Variants in SPAG16 observed in about 807,000 individuals in gnomAD.
The protein encoded by SPAG16 is sperm associated antigen 16, also known as sperm-associated antigen 16 protein.
A neutral mutation model predicts 80.4 loss-of-function variants in SPAG16; 86 were observed. That is an observed-to-expected ratio of 1.07 (90% CI 0.90 to 1.28). SPAG16 has a LOEUF of 1.28. SPAG16 is among the 50% of genes most tolerant of loss of function. SPAG16 has a pLI of 0.00. For synonymous variants in SPAG16, 294 were observed against 265.9 expected, an observed-to-expected ratio of 1.11 and a Z score of -1.03; for missense variants, 870 against 765.3, an observed-to-expected ratio of 1.14 and a Z score of -1.61.
intron 3 of SPAG16, among the ~76,000 whole-genome samples, chr2:213,297,696 G>A (rs1483281381): frequency 6.6e-6 from 1 of 151,974 alleles, no homozygotes; most frequent in Non-Finnish European, 1.5e-5. Context: ...AGTCTGTTTT[G>A]TAAACATTTT....
intron 10 of SPAG16, among the ~76,000 whole-genome samples, chr2:213,847,823 C>T (rs1222750138): frequency 6.6e-6 from 1 of 151,940 alleles, no homozygotes; most frequent in Non-Finnish European, 1.5e-5. Context: ...GATTCTCTCT[C>T]CTTGATAAGG....
chr2:213,880,715 C>A (rs2076309067), intron 11 of SPAG16, among the ~76,000 whole-genome samples: 1 of 152,178 alleles, frequency 6.6e-6, no homozygotes, highest in Non-Finnish European at 1.5e-5. Context: ...TATTGCAGCA[C>A]CATTTATTAC....
intron 13 of SPAG16, among the ~76,000 whole-genome samples, chr2:214,028,738 GA>G (rs1216127603): frequency 1.3e-5 from 2 of 151,932 alleles, no homozygotes; most frequent in South Asian, 2.1e-4. Context: ...TAGTATCTGT[GA>G]AAAAAATCAT....
At chr2:213,732,848 A>T (rs576746826) in intron 10 of SPAG16, among the ~76,000 whole-genome samples, 7 of 152,250 alleles carry the variant, frequency 4.6e-5, no homozygotes, top group African/African-American at 1.4e-4. Flanking sequence ...ATGCATGCAC[A>T]TGTCTTTATA....
At chr2:213,903,382 A>G (rs1017952927) in intron 11 of SPAG16, among the ~76,000 whole-genome samples, 12 of 152,102 alleles carry the variant, frequency 7.9e-5, no homozygotes, top group African/African-American at 2.4e-4. Flanking sequence ...CCAATTCTTG[A>G]TTTCCCTTCA....
At chr2:213,787,939 G>A (rs1265131430) in intron 10 of SPAG16, among the ~76,000 whole-genome samples, 1 of 152,002 alleles carries the variant, frequency 6.6e-6, no homozygotes, top group Non-Finnish European at 1.5e-5. Flanking sequence ...AATCCTAGAA[G>A]AGCATGTCAC....
intron 15 of SPAG16, chr2:214,280,565 T>C (rs945820948): frequency 5.2e-6 from 1 of 191,942 alleles, no homozygotes; most frequent in Admixed American, 6.0e-5. Context: ...GATCCACATA[T>C]GGGCAACTGT....
intron 12 of SPAG16, among the ~76,000 whole-genome samples, chr2:213,968,877 T>C (rs1281541516): frequency 6.6e-6 from 1 of 152,208 alleles, no homozygotes; most frequent in Non-Finnish European, 1.5e-5. Flanking sequence ...ACATATATAT[T>C]TAGTGCTTAT....
chr2:213,707,112 C>T (rs2065788189), intron 10 of SPAG16, among the ~76,000 whole-genome samples: 1 of 152,164 alleles, frequency 6.6e-6, no homozygotes, highest in South Asian at 2.1e-4. Flanking sequence ...GGTGACTATA[C>T]AAGGATGTGA....
intron 15 of SPAG16, among the ~76,000 whole-genome samples, chr2:214,401,773 T>G (rs973555057): frequency 1.3e-5 from 2 of 151,954 alleles, no homozygotes; most frequent in Non-Finnish European, 2.9e-5. Context: ...ATGCATAGTT[T>G]TAGCCAATTG....
chr2:213,526,722 G>C (rs555999786), intron 10 of SPAG16, among the ~76,000 whole-genome samples: 16 of 152,294 alleles, frequency 1.1e-4, no homozygotes, highest in African/African-American at 3.9e-4. Flanking sequence ...TGAACATTTT[G>C]AGAACTTCTA....
At chr2:214,092,984 T>C (rs2052327285) in intron 13 of SPAG16, among the ~76,000 whole-genome samples, 1 of 152,120 alleles carries the variant, frequency 6.6e-6, no homozygotes, top group African/African-American at 2.4e-5. Flanking sequence ...ACCATTCTCA[T>C]TGCACCCTCT....
At chr2:213,799,666 T>C (rs1197790558) in intron 10 of SPAG16, among the ~76,000 whole-genome samples, 9 of 152,178 alleles carry the variant, frequency 5.9e-5, no homozygotes, top group Admixed American at 5.9e-4. Context: ...TTTATGTGTT[T>C]TTCTATAACA....
At chr2:214,177,630 T>C (rs1433500794) in intron 15 of SPAG16, among the ~76,000 whole-genome samples, 1 of 150,686 alleles carries the variant, frequency 6.6e-6, no homozygotes, top group East Asian at 1.9e-4. Context: ...GAAGGTAGGT[T>C]TTTTGTGAAA....
intron 9 of SPAG16, among the ~76,000 whole-genome samples, chr2:213,456,613 A>T (rs764269763): frequency 6.6e-6 from 1 of 151,242 alleles, no homozygotes; most frequent in Non-Finnish European, 1.5e-5. Context: ...TTTTGCTTTC[A>T]TTTTTTTTCC....
chr2:214,024,377 T>A (rs538409959), intron 13 of SPAG16, among the ~76,000 whole-genome samples: 6 of 151,758 alleles, frequency 4.0e-5, no homozygotes, highest in Admixed American at 2.6e-4. Flanking sequence ...GATTATGATC[T>A]AGAAGGGTAT....
At chr2:213,962,790 A>C (rs1283946693) in intron 12 of SPAG16, among the ~76,000 whole-genome samples, 3 of 152,194 alleles carry the variant, frequency 2.0e-5, no homozygotes, top group African/African-American at 7.2e-5. Flanking sequence ...TTCAGAGGTC[A>C]TGTCTTCCTA....
intron 15 of SPAG16, among the ~76,000 whole-genome samples, chr2:214,227,031 C>G (rs1237268047): frequency 6.6e-6 from 1 of 152,090 alleles, no homozygotes; most frequent in East Asian, 1.9e-4. Flanking sequence ...GTCTAGCACA[C>G]TAGTCCAGAA....
chr2:214,083,579 C>G (rs1361968202), intron 13 of SPAG16, among the ~76,000 whole-genome samples: 1 of 152,126 alleles, frequency 6.6e-6, no homozygotes, highest in Non-Finnish European at 1.5e-5. Flanking sequence ...AGAGGAAGAA[C>G]CTCAAGAACA....
Sources: allele counts gnomAD v4.1 joint callset (sites outside exome capture counted in the v4.1 genomes callset), GRCh38; gene constraint gnomAD v4.1.1; transcripts MANE v1.5; gene names NCBI Gene and HGNC (gene_info 2026-07-23, HGNC 2026-07-21).